The following ATP11A variants were observed in gnomAD, a reference collection of about 807,000 sequenced individuals.
ATP11A encodes the protein phospholipid-transporting ATPase IH.
ATP11A carries 81 observed loss-of-function variants against 154.4 expected under a neutral mutation model. That is an observed-to-expected ratio of 0.52 (90% CI 0.44 to 0.63). The LOEUF (loss-of-function observed/expected upper bound fraction) is 0.63, where lower values mean the gene tolerates loss of function less well. Among genes scored for constraint, ATP11A ranks in the 30% least tolerant of loss-of-function variants. ATP11A has a pLI of 0.00. For missense variants in ATP11A, 1,316 were observed against 1,474.3 expected, an observed-to-expected ratio of 0.89 and a Z score of 1.76; for synonymous variants, 623 against 585.9, an observed-to-expected ratio of 1.06 and a Z score of -0.91.
chr13:112,783,615 T>C (rs2077552047), intron 1 of ATP11A, among the ~76,000 whole-genome samples: 1 of 152,248 alleles, frequency 6.6e-6, no homozygotes, highest in African/African-American at 2.4e-5. Flanking sequence ...CCGTCTCCTC[T>C]TCAGCTGTGT....
chr13:112,755,301 T>G (rs2076794485), intron 1 of ATP11A, among the ~76,000 whole-genome samples: 1 of 152,114 alleles, frequency 6.6e-6, no homozygotes, highest in Non-Finnish European at 1.5e-5. Flanking sequence ...GTCTTCTGCT[T>G]TCCATTGCAC....
intron 1 of ATP11A, among the ~76,000 whole-genome samples, chr13:112,745,006 T>G (rs889234766): frequency 5.3e-5 from 8 of 152,212 alleles, no homozygotes; most frequent in African/African-American, 1.9e-4. Flanking sequence ...GATGGGGTAA[T>G]TGGGCACTGG....
At chr13:112,765,277 G>A (rs2077048842) in intron 1 of ATP11A, among the ~76,000 whole-genome samples, 1 of 152,082 alleles carries the variant, frequency 6.6e-6, no homozygotes, top group South Asian at 2.1e-4. Flanking sequence ...TGGAGGCCTG[G>A]CAAGTTGTTC....
At chr13:112,842,569 C>CCCAGCCAGGCACAGGCTGT (rs568917550) in intron 17 of ATP11A, among the ~76,000 whole-genome samples, 190 bp downstream of exon 17, 2 of 152,346 alleles carry the variant, frequency 1.3e-5, no homozygotes, top group South Asian at 2.1e-4. Context: ...GCCTCCGATA[C>CCCAGCCAGGCACAGGCTGT]CCAGCCAGGC....
chr13:112,764,374 G>A (rs2077028094), intron 1 of ATP11A, among the ~76,000 whole-genome samples: 1 of 152,234 alleles, frequency 6.6e-6, no homozygotes, highest in Non-Finnish European at 1.5e-5. Flanking sequence ...TCCTGGTGCA[G>A]GTAGCCCTGT....
chr13:112,714,107 C>T (rs1224249331), intron 1 of ATP11A, among the ~76,000 whole-genome samples: 2 of 149,834 alleles, frequency 1.3e-5, no homozygotes, highest in African/African-American at 4.9e-5. Flanking sequence ...CTCCCTTCCA[C>T]TCCCCGCACC....
In ATP11A at chr13:112,859,329, C is replaced by T. The variant is rs548836840; in HGVS notation, c.2668-64C>T. ...TCCTCCCATGTGGGGTGGGCCACGT[C>T]GGTAGGTGGCGGCTGCCTCCCTCTG... On this transcript the variant is annotated intron_variant, in intron 22 of 29. Transcript: ENST00000375645. This position sits in a 1 kb window ranked among gnomAD's most constrained non-coding sequence, Gnocchi z 4.3. 21 of 1,408,980 alleles carry T rather than the reference C, an allele frequency of 1.5e-5. No homozygotes were observed. The highest frequency in any genetic ancestry group is 1.1e-4 in the African/African-American group (8 of 70,510). 87.3% of individuals were successfully genotyped at this position (1,408,980 alleles called of 1,614,324 possible). A position where few individuals can be genotyped will look rare whatever the true frequency, so the allele number is the denominator to read the frequency against.
At chr13:112,835,699 G>A (rs1435363499) in intron 15 of ATP11A, among the ~76,000 whole-genome samples, 1 of 152,222 alleles carries the variant, frequency 6.6e-6, no homozygotes, top group Non-Finnish European at 1.5e-5. Context: ...AAACACTTCC[G>A]ATGCTCCAGA....
At position 112,875,407 on chromosome 13, in the gene ATP11A, C is replaced by T. The variant is rs147764373; in HGVS notation, c.3162-369C>T. Among the ~76,000 whole-genome samples, 884 of 152,134 alleles carry T rather than the reference C, an allele frequency of 5.8e-3. 13 individuals are homozygous for T. Among genetic ancestry groups the T allele is most frequent in the African/African-American group, 0.02 (817 of 41,498 alleles). Reference sequence around the variant, plus strand: ...GAAGTCATTGCTTGCTCTGTACTGACGACCAGTGCTCGGGACGTCCTTCCC... The same window carrying T: ...GAAGTCATTGCTTGCTCTGTACTGATGACCAGTGCTCGGGACGTCCTTCCC... On this transcript the variant is annotated intron_variant, in intron 27 of 29. Coordinates refer to ENST00000375645, the MANE Select transcript of ATP11A (RefSeq NM_015205.3). This position sits in a 1 kb window ranked among gnomAD's most constrained non-coding sequence, Gnocchi z 4.1.
intron 1 of ATP11A, among the ~76,000 whole-genome samples, 166 bp from the exon 2 acceptor site, chr13:112,784,969 C>G (rs142097752): frequency 1.3e-5 from 2 of 152,152 alleles, no homozygotes; most frequent in Non-Finnish European, 2.9e-5. Flanking sequence ...CAGGGTGGCT[C>G]GGGCCTGGGG....
At chr13:112,847,763 T>C (rs2079648835) in intron 17 of ATP11A, among the ~76,000 whole-genome samples, 2 of 152,172 alleles carry the variant, frequency 1.3e-5, no homozygotes, top group Non-Finnish European at 2.9e-5. Flanking sequence ...AATAGGAATT[T>C]TAGGATGGGC....
rs770364528 is a variant in ATP11A, at chr13:112,878,312, C to T, written c.*9+9C>T. ...GTTTCTGATGGAACAAGGTGATGCT[C>T]CTCTGCCTTCCACGCACCTGGGATG... On this transcript the variant is annotated intron_variant, in intron 29 of 29. Transcript: ENST00000375645. The T allele has an allele frequency of 5.6e-6, 9 of 1,613,516 alleles. No individual in the cohort carries two copies. The South Asian group carries it at 8.8e-5, about 16-fold the overall frequency.
chr13:112,807,755 C>T lies in ATP11A; in HGVS notation c.333+1462C>T, dbSNP rs138215386. Reference sequence around the variant, plus strand: ...TCGTGGAGATTAGGTGAGGGCGTCCCGTGCTATCTGTGATACATCTGTGTG... The same window carrying T: ...TCGTGGAGATTAGGTGAGGGCGTCCTGTGCTATCTGTGATACATCTGTGTG... On this transcript the variant is annotated intron_variant, in intron 4 of 29. Coordinates refer to ENST00000375645, the MANE Select transcript of ATP11A (RefSeq NM_015205.3). This position sits in a 1 kb window ranked among gnomAD's most constrained non-coding sequence, Gnocchi z 4.5. 8.8e-4 allele frequency among the ~76,000 whole-genome samples: 134 copies of T among 152,166 alleles called. 2 individuals are homozygous for T. The East Asian group carries it at 0.02, about 23-fold the overall frequency.
At position 112,735,978 on chromosome 13, in the gene ATP11A, G is replaced by A. The variant is rs142029765; in HGVS notation, c.39+45523G>A. Among the ~76,000 whole-genome samples the A allele has an allele frequency of 3.9e-5, 6 of 152,172 alleles. No individual in the cohort carries two copies. The East Asian group carries it at 1.2e-3, about 29-fold the overall frequency. ...GCACCTCCGTCTGCACATGCCCAGA[G>A]CCTATGCAGAGCCTCCGTATGCGCA... On this transcript the variant is annotated intron_variant, in intron 1 of 29. Coordinates refer to ENST00000375645, the MANE Select transcript of ATP11A (RefSeq NM_015205.3).
intron 1 of ATP11A, among the ~76,000 whole-genome samples, chr13:112,713,057 T>C (rs535935730): frequency 2.6e-5 from 4 of 152,374 alleles, no homozygotes; most frequent in African/African-American, 4.8e-5. Flanking sequence ...AGTAGACTTA[T>C]GACAGCAGCT....
chr13:112,731,518 G>C (rs1230441362), intron 1 of ATP11A, among the ~76,000 whole-genome samples: 1 of 152,126 alleles, frequency 6.6e-6, no homozygotes, highest in African/African-American at 2.4e-5. Context: ...GCACTCACTA[G>C]TTTTCTGTTT....
chr13:112,851,523 T>C (rs2079766893), intron 18 of ATP11A: 1 of 227,462 alleles, frequency 4.4e-6, no homozygotes, highest in Non-Finnish European at 8.6e-6. Flanking sequence ...TACAAATTCT[T>C]TCTTCTTTTT....
intron 1 of ATP11A, among the ~76,000 whole-genome samples, chr13:112,713,042 A>G (rs556738239): frequency 1.3e-5 from 2 of 152,328 alleles, no homozygotes; most frequent in African/African-American, 4.8e-5. Flanking sequence ...GCTCGACTGT[A>G]TTTCAGTAGA....
intron 1 of ATP11A, among the ~76,000 whole-genome samples, chr13:112,748,649 A>C (rs2076616808): frequency 6.6e-6 from 1 of 152,212 alleles, no homozygotes; most frequent in Non-Finnish European, 1.5e-5. Flanking sequence ...TACAAGCGTG[A>C]GCCACCACGC....
Sources: gnomAD v4.1 joint callset for allele counts (sites outside exome capture counted in the v4.1 genomes callset) on GRCh38, gnomAD v4.1.1 for gene constraint, Gnocchi (gnomAD v3.1) non-coding constraint, MANE v1.5 for transcripts, NCBI Gene and HGNC (gene_info 2026-07-23, HGNC 2026-07-21) for gene names.